The following FRMD3 variants were observed in gnomAD, a reference collection of about 807,000 sequenced individuals.
FRMD3 encodes FERM domain-containing protein 3.
A neutral mutation model predicts 70.2 loss-of-function variants in FRMD3; 33 were observed. The ratio of observed to expected loss-of-function variants is 0.47; its 90% CI spans 0.36 to 0.63. FRMD3 has a LOEUF of 0.63. Ranked by LOEUF, FRMD3 falls within the 20% of genes least tolerant of loss-of-function variation. The pLI, the probability that FRMD3 is intolerant of heterozygous loss-of-function variation, is 0.00. For missense variants in FRMD3, 632 were observed against 711.4 expected (o/e 0.89, Z 1.27); for synonymous variants, 279 against 255.9 (o/e 1.09, Z -0.86).
intron 13 of FRMD3, among the ~76,000 whole-genome samples, chr9:83,268,104 G>A (rs1414540957): frequency 6.6e-6 from 1 of 152,174 alleles, no homozygotes; most frequent in African/African-American, 2.4e-5. Flanking sequence ...AAATGCAGGT[G>A]CCATGCAACC....
At chr9:83,500,870 A>G (rs190210546) in intron 1 of FRMD3, among the ~76,000 whole-genome samples, 59 of 152,304 alleles carry the variant, frequency 3.9e-4, no homozygotes, top group African/African-American at 1.3e-3. Context: ...AATGCTTTAT[A>G]TAATCATCTG....
At chr9:83,494,068 C>G (rs1828887546) in intron 1 of FRMD3, among the ~76,000 whole-genome samples, 1 of 152,216 alleles carries the variant, frequency 6.6e-6, no homozygotes, top group African/African-American at 2.4e-5. Flanking sequence ...AGCCACTATC[C>G]TAGCCTCCTC....
intron 2 of FRMD3, among the ~76,000 whole-genome samples, chr9:83,382,873 A>G (rs766540455): frequency 6.6e-6 from 1 of 152,052 alleles, no homozygotes; most frequent in Non-Finnish European, 1.5e-5. Flanking sequence ...CTTCAGACCT[A>G]TATTGTCATC....
At chr9:83,347,597 T>G (rs1374799279) in intron 4 of FRMD3, among the ~76,000 whole-genome samples, 1 of 152,224 alleles carries the variant, frequency 6.6e-6, no homozygotes, top group African/African-American at 2.4e-5. Flanking sequence ...AAATATCACT[T>G]TTGTGGTTAT....
chr9:83,350,799 C>G (rs908604609), intron 3 of FRMD3: 2 of 871,382 alleles, frequency 2.3e-6, no homozygotes, highest in African/African-American at 3.6e-5. Flanking sequence ...ATATCCAGAA[C>G]TCACCCAACC....
At chr9:83,393,446 G>C (rs976711434) in intron 1 of FRMD3, among the ~76,000 whole-genome samples, 1 of 152,090 alleles carries the variant, frequency 6.6e-6, no homozygotes, top group Non-Finnish European at 1.5e-5. Context: ...CCAACGACAG[G>C]GTGGTGGGAT....
the FRMD3 span, among the ~76,000 whole-genome samples, chr9:83,571,837 G>A: frequency 2.6e-5 from 4 of 152,204 alleles, no homozygotes; most frequent in Admixed American, 6.5e-5. Context: ...CTTGGCTGGA[G>A]TGTGTTTCAA....
intron 3 of FRMD3, among the ~76,000 whole-genome samples, chr9:83,352,669 T>C (rs1395380851): frequency 6.6e-6 from 1 of 152,166 alleles, no homozygotes; most frequent in Non-Finnish European, 1.5e-5. Context: ...CCTGGTCCTC[T>C]TCATTTGAAG....
chr9:83,272,694 G>A (rs1833619493), intron 13 of FRMD3, among the ~76,000 whole-genome samples: 1 of 126,654 alleles, frequency 7.9e-6, no homozygotes, highest in African/African-American at 3.3e-5. Flanking sequence ...TGGGAAGTGA[G>A]GAGCGCCTCT....
chr9:83,282,211 T>C (rs1834001037), intron 13 of FRMD3, among the ~76,000 whole-genome samples: 1 of 152,246 alleles, frequency 6.6e-6, no homozygotes, highest in East Asian at 1.9e-4. Context: ...GGGTATGTGC[T>C]AGATCAGAGG....
At chr9:83,343,111 G>A in intron 5 of FRMD3, 79 bp downstream of exon 5, 1 of 1,019,300 alleles carries the variant, frequency 9.8e-7, no homozygotes, top group Non-Finnish European at 1.6e-6. Context: ...GATGGCCACG[G>A]GTGGGAGAGA....
chr9:83,560,601 G>C, the FRMD3 span, among the ~76,000 whole-genome samples: 5 of 152,226 alleles, frequency 3.3e-5, no homozygotes, highest in Non-Finnish European at 4.4e-5. Context: ...TTGTTACACA[G>C]CATTAGGGCA....
chr9:83,425,472 G>A (rs1007526865), intron 1 of FRMD3, among the ~76,000 whole-genome samples: 2 of 152,152 alleles, frequency 1.3e-5, no homozygotes, highest in African/African-American at 4.8e-5. Context: ...CAGACAACAG[G>A]AGTATGCATG....
At chr9:83,568,947 GATAGATAGATACATACATACATAC>G in the FRMD3 span, among the ~76,000 whole-genome samples, 116 of 103,194 alleles carry the variant, frequency 1.1e-3, 2 homozygotes, top group Middle Eastern at 4.6e-3. Context: ...TAGATAGATA[GATAGATAGATACATACATACATAC>G]ATACATACAT....
At chr9:83,508,835 C>A (rs1490954659) in intron 1 of FRMD3, among the ~76,000 whole-genome samples, 1 of 152,186 alleles carries the variant, frequency 6.6e-6, no homozygotes, top group Admixed American at 6.5e-5. Context: ...TCTACAGCTG[C>A]TTTTGCACCA....
At chr9:83,564,755 A>T in the FRMD3 span, among the ~76,000 whole-genome samples, 2 of 152,192 alleles carry the variant, frequency 1.3e-5, no homozygotes, top group African/African-American at 4.8e-5. Flanking sequence ...GGCACAAAAT[A>T]CAAGTGTTTC....
the FRMD3 span, among the ~76,000 whole-genome samples, chr9:83,567,080 G>A: frequency 3.9e-5 from 6 of 152,248 alleles, no homozygotes; most frequent in South Asian, 1.2e-3. Context: ...TTTTGCCTGG[G>A]CATCCAGACA....
intron 3 of FRMD3, among the ~76,000 whole-genome samples, chr9:83,366,839 G>A (rs968589631): frequency 2.6e-5 from 4 of 152,068 alleles, no homozygotes; most frequent in Non-Finnish European, 5.9e-5. Flanking sequence ...ATACACATTG[G>A]GCCACATTCC....
chr9:83,542,301 G>T (rs1830008732), upstream of FRMD3, among the ~76,000 whole-genome samples: 1 of 152,160 alleles, frequency 6.6e-6, no homozygotes, highest in Non-Finnish European at 1.5e-5. Context: ...AAAGATTGAT[G>T]GTTGTAAATA....
Sources: allele counts gnomAD v4.1 joint callset (sites outside exome capture counted in the v4.1 genomes callset), GRCh38; gene constraint gnomAD v4.1.1; transcripts MANE v1.5; gene names NCBI Gene and HGNC (gene_info 2026-07-23, HGNC 2026-07-21).